Variants in DNM1 observed in about 807,000 individuals in gnomAD.
DNM1 encodes dynamin-1.
In DNM1, 29 loss-of-function variants were observed where a neutral mutation model predicts 104.6. The observed-to-expected ratio is 0.28, with a 90% CI of 0.21 to 0.38. The LOEUF (loss-of-function observed/expected upper bound fraction) is 0.38. Ranked by LOEUF, DNM1 falls within the 10% of genes least tolerant of loss-of-function variation. The pLI is 1.00. For synonymous variants in DNM1, 445 were observed against 475.8 expected, an observed-to-expected ratio of 0.94 and a Z score of 0.84; for missense variants, 640 against 1,189.4, an observed-to-expected ratio of 0.54 and a Z score of 6.79.
At chr9:128,214,160 C>T (rs893350275) in intron 1 of DNM1, among the ~76,000 whole-genome samples, 2 of 152,176 alleles carry the variant, frequency 1.3e-5, no homozygotes, top group Non-Finnish European at 2.9e-5. Flanking sequence ...CCGTCCAACT[C>T]TCTCCCCGCT....
rs1353261061 is a variant in DNM1, at chr9:128,245,640, T to C, written c.1672-754T>C. ...ACACACAGCCCATTGTACCACGGTG[T>C]GCAGGTAAGATGTGTACCCCAGTAT... On this transcript the variant is annotated intron_variant, in intron 15 of 21. Transcript: ENST00000372923. This position sits in a 1 kb window ranked among gnomAD's most constrained non-coding sequence, Gnocchi z 5.2. 6.6e-6 allele frequency among the ~76,000 whole-genome samples: 1 copy of C among 152,068 alleles called. No individual in the cohort carries two copies. Among genetic ancestry groups the C allele is most frequent in the Non-Finnish European group, 1.5e-5 (1 of 68,012 alleles).
Position 128,220,909 on chromosome 9 carries a change from C to CTTTCTTTCTTTCTTTA in DNM1, c.849+583_849+584insATTTCTTTCTTTCTTT, listed in dbSNP as rs1834945459. ...GTTTTCTTTCTTTCTTTCTTTCTTTCTTTCTTTCTTTCTTTCTTTCTTTCT... is the reference window on the plus strand; with the variant it reads ...GTTTTCTTTCTTTCTTTCTTTCTTTCTTTCTTTCTTTCTTTATTTCTTTCTTTCTTTCTTTCTTTCT... On this transcript the variant is annotated intron_variant, in intron 6 of 21. Coordinates refer to ENST00000372923, the MANE Select transcript of DNM1 (RefSeq NM_004408.4). The surrounding 1 kb of genome is among the most constrained non-coding windows in gnomAD (Gnocchi z 5.2). 6.8e-6 allele frequency among the ~76,000 whole-genome samples: 1 copy of CTTTCTTTCTTTCTTTA among 147,338 alleles called. No individual in the cohort carries two copies. Among genetic ancestry groups the CTTTCTTTCTTTCTTTA allele is most frequent in the East Asian group, 2.0e-4 (1 of 5,010 alleles).
In DNM1 at chr9:128,254,325, G is replaced by C; in HGVS notation, c.2535-329G>C. 7.1e-7 allele frequency: 1 copy of C among 1,399,764 alleles called. No individual in the cohort carries two copies. The highest frequency in any genetic ancestry group is 1.5e-5 in the African/African-American group (1 of 68,134). The allele number at this position is 1,399,764 out of a possible 1,614,324, so 86.7% of individuals were successfully genotyped here. A position where few individuals can be genotyped will look rare whatever the true frequency, so the allele number is the denominator to read the frequency against. On this transcript the variant is annotated intron_variant, in intron 21 of 21. Coordinates refer to ENST00000372923, the MANE Select transcript of DNM1 (RefSeq NM_004408.4). This position sits in a 1 kb window ranked among gnomAD's most constrained non-coding sequence, Gnocchi z 6.1. ...TGGAAGACAGGGTGACCAGAGAAGA[G>C]GGAAGCCCGAGGGGGCCGAGCATCA... is the stretch of plus-strand genomic sequence containing the variant.
chr9:128,219,945 G>C, intron 4 of DNM1, 43 bp from the exon 5 acceptor site: 1 of 1,476,012 alleles, frequency 6.8e-7, no homozygotes, highest in Non-Finnish European at 9.2e-7. Flanking sequence ...TTGTGTGTGA[G>C]AGCGGGTGCA....
At position 128,248,226 on chromosome 9, in the gene DNM1, C is replaced by T. The variant is rs1403970000; in HGVS notation, c.1905+291C>T. On this transcript the variant is annotated intron_variant, in intron 18 of 21. Coordinates refer to ENST00000372923, the MANE Select transcript of DNM1 (RefSeq NM_004408.4). The surrounding 1 kb of genome is among the most constrained non-coding windows in gnomAD (Gnocchi z 5.6). ...CCTGTAATCCCAGCTACTCAGGAGG[C>T]TGAGGCAGGAGAATCGCTTGAACCC... 3.9e-6 allele frequency: 2 copies of T among 516,226 alleles called. No homozygotes were observed. Among genetic ancestry groups the T allele is most frequent in the Admixed American group, 6.7e-5 (2 of 30,010 alleles). The allele number at this position is 516,226 out of a possible 1,614,324, so 32.0% of individuals were successfully genotyped here. A position where few individuals can be genotyped will look rare whatever the true frequency, so the allele number is the denominator to read the frequency against.
chr9:128,249,516 C>T (rs1410539819), intron 19 of DNM1, among the ~76,000 whole-genome samples: 2 of 151,354 alleles, frequency 1.3e-5, no homozygotes, highest in East Asian at 2.0e-4. Context: ...ATTAGCCGGG[C>T]GTGGTGGCAC....
rs556250752 is a variant in DNM1 at position 128,245,988 on chromosome 9, G to A, written c.1672-406G>A. Among the ~76,000 whole-genome samples the A allele has an allele frequency of 2.0e-4, 31 of 152,362 alleles. No homozygotes were observed. The highest frequency in any genetic ancestry group is 7.0e-4 in the African/African-American group (29 of 41,584). The stretch of plus-strand genomic sequence containing the variant: ...GCTGAGCCGGCCCTTTGAAGCCGCC[G>A]GGTCTGGTGGCCCCCCTTCCTGGTC... On this transcript the variant is annotated intron_variant, in intron 15 of 21. Coordinates refer to ENST00000372923, the MANE Select transcript of DNM1 (RefSeq NM_004408.4). This position sits in a 1 kb window ranked among gnomAD's most constrained non-coding sequence, Gnocchi z 5.2.
At chr9:128,234,193 CCTTCT>C in intron 11 of DNM1, 86 bp downstream of exon 11, 2 of 1,144,960 alleles carry the variant, frequency 1.7e-6, no homozygotes, top group Admixed American at 5.4e-5. Context: ...GGGGTTGCTT[CCTTCT>C]TGTTTTGTCT....
In DNM1 at chr9:128,218,505, G is replaced by T. The variant is rs748587765; in HGVS notation, c.236-77G>T. On this transcript the variant is annotated intron_variant, in intron 2 of 21. Transcript: ENST00000372923. This position sits in a 1 kb window ranked among gnomAD's most constrained non-coding sequence, Gnocchi z 4.8. ...GGTGTGTCTAGGGGGTTCTATTACC[G>T]GTGGGAGATGAAAACCCCCAGGTGG... The T allele has an allele frequency of 3.3e-6, 5 of 1,521,748 alleles. No individual in the cohort carries two copies. The highest frequency in any genetic ancestry group is 2.4e-5 in the South Asian group (2 of 83,050). 94.3% of individuals were successfully genotyped at this position (1,521,748 alleles called of 1,614,324 possible). A position where few individuals can be genotyped will look rare whatever the true frequency, so the allele number is the denominator to read the frequency against.
chr9:128,204,276 ACTT>A (rs1833741431), intron 1 of DNM1: 2 of 152,270 alleles, frequency 1.3e-5, no homozygotes, highest in Non-Finnish European at 1.5e-5. Context: ...AGGAGAAACC[ACTT>A]CTTATCCTTT....
Position 128,234,010 on chromosome 9 carries a change from C to A in DNM1, c.1336-11C>A, listed in dbSNP as rs762680424. ...GTGTACGTGGCTTTCTGCCCTCCTG[C>A]CCTTCCCCAGCTCCAGCAGTACCCG... On this transcript the variant is annotated splice_polypyrimidine_tract_variant and intron_variant, in intron 10 of 21. Transcript: ENST00000372923. 2.4e-5 allele frequency: 38 copies of A among 1,557,208 alleles called. 1 individual carries two copies. In the South Asian group the frequency reaches 3.9e-4, roughly 16 times the overall value.
At chr9:128,250,035 G>T in intron 19 of DNM1, 80 bp from the exon 20 acceptor site, 1 of 1,606,292 alleles carries the variant, frequency 6.2e-7, no homozygotes, top group South Asian at 1.1e-5. Flanking sequence ...CCAGCTCACA[G>T]TCCCAGCAGG....
Position 128,248,548 on chromosome 9 carries a change from C to T in DNM1, c.1906-35C>T, listed in dbSNP as rs200791462. On this transcript the variant is annotated intron_variant, in intron 18 of 21. Coordinates refer to ENST00000372923, the MANE Select transcript of DNM1 (RefSeq NM_004408.4). This position sits in a 1 kb window ranked among gnomAD's most constrained non-coding sequence, Gnocchi z 5.6. ...GATGCCTGGAGCCTGGCTGCATGGC[C>T]TGGCCACCTGATGCCCTTGTGTTCT... 2 of 1,601,206 alleles carry T rather than the reference C, an allele frequency of 1.2e-6. No homozygotes were observed. Among genetic ancestry groups the T allele is most frequent in the East Asian group, 2.2e-5 (1 of 44,572 alleles).
At chr9:128,219,956 G>C in intron 4 of DNM1, 32 bp from the exon 5 acceptor site, 2 of 1,515,358 alleles carry the variant, frequency 1.3e-6, no homozygotes, top group Non-Finnish European at 1.8e-6. Context: ...AGCGGGTGCA[G>C]CTGTAGACGG....
chr9:128,228,129 C>A (rs942496897), intron 10 of DNM1, among the ~76,000 whole-genome samples: 1 of 152,120 alleles, frequency 6.6e-6, no homozygotes, highest in South Asian at 2.1e-4. Context: ...GCAACCTCCA[C>A]CTCTCAGGTT....
At chr9:128,239,645 C>T in intron 12 of DNM1, 83 bp from the exon 13 acceptor site, 1 of 1,454,134 alleles carries the variant, frequency 6.9e-7, no homozygotes, top group South Asian at 1.2e-5. Flanking sequence ...GGTTAACCCT[C>T]TGGGTCCTGT....
intron 1 of DNM1, among the ~76,000 whole-genome samples, chr9:128,210,348 C>T (rs1834211400): frequency 7.1e-6 from 1 of 141,620 alleles, no homozygotes; most frequent in South Asian, 2.3e-4. Context: ...ATTTATTTGG[C>T]ATTATTATTA....
In DNM1 at chr9:128,215,029, C is replaced by T. The variant is rs772023925; in HGVS notation, c.162-3202C>T. On this transcript the variant is annotated intron_variant, in intron 1 of 21. Transcript: ENST00000372923. ...CTGCTGAGTCATGCACATTCCTTCT[C>T]GTGTTGCCTGCACGCCTACTACGTG... is the stretch of plus-strand genomic sequence containing the variant. 3.2e-4 allele frequency among the ~76,000 whole-genome samples: 49 copies of T among 152,360 alleles called. 1 individual carries two copies. Among genetic ancestry groups the T allele is most frequent in the Non-Finnish European group, 4.4e-5 (3 of 68,022 alleles).
chr9:128,219,927 G>A (rs1330542133), intron 4 of DNM1, 61 bp from the exon 5 acceptor site: 2 of 1,351,854 alleles, frequency 1.5e-6, no homozygotes, highest in Non-Finnish European at 2.0e-6. Context: ...GAGTGGGAGT[G>A]CATGGAATTG....
Sources: gnomAD v4.1 joint callset for allele counts (sites outside exome capture counted in the v4.1 genomes callset) on GRCh38, gnomAD v4.1.1 for gene constraint, Gnocchi (gnomAD v3.1) non-coding constraint, MANE v1.5 for transcripts, NCBI Gene and HGNC (gene_info 2026-07-23, HGNC 2026-07-21) for gene names.